Variants in NCOA7 observed in about 807,000 individuals in gnomAD.
NCOA7 encodes the protein nuclear receptor coactivator 7.
Under a neutral mutation model 104.3 loss-of-function variants are expected in NCOA7, and 45 were observed. The observed-to-expected ratio is 0.43, with a 90% CI of 0.34 to 0.55. NCOA7 has a LOEUF of 0.55. Ranked by LOEUF, NCOA7 falls within the 20% of genes least tolerant of loss-of-function variation. NCOA7 has a pLI of 0.02. For synonymous variants in NCOA7, 398 were observed against 402.3 expected (o/e 0.99, Z 0.13); for missense variants, 1,041 against 1,119.7 (o/e 0.93, Z 1.00).
chr6:125,881,670 CA>C lies in NCOA7; in HGVS notation c.573+487del, dbSNP rs397887394. 8.3e-3 allele frequency among the ~76,000 whole-genome samples: 746 copies of C among 90,372 alleles called. 5 individuals carry two copies. The highest frequency in any genetic ancestry group is 0.023 in the Middle Eastern group (3 of 128). The allele number at this position is 90,372 out of a possible 152,430, so 59.3% of individuals were successfully genotyped here. ...TGGGTGACAGAGTGAAACCCTATCT[CA>C]AAAAAAAAAAAAAAAAAAAGGCAAA... is the stretch of plus-strand genomic sequence containing the variant. On this transcript the variant is annotated intron_variant, in intron 6 of 15. Transcript: ENST00000392477.
intron 2 of NCOA7, among the ~76,000 whole-genome samples, chr6:125,850,158 T>A (rs1341325093): frequency 6.6e-6 from 1 of 152,194 alleles, no homozygotes; most frequent in Non-Finnish European, 1.5e-5. Flanking sequence ...TGGCAGCTAT[T>A]CTCCTTTGTA....
intron 14 of NCOA7, 145 bp from the exon 15 acceptor site, chr6:125,928,029 T>C (rs1788187278): frequency 1.3e-6 from 1 of 788,414 alleles, no homozygotes; most frequent in African/African-American, 1.8e-5. Flanking sequence ...CTCATCCTGG[T>C]GTGGGCCAGG....
chr6:125,850,961 TA>T (rs1337062358), intron 2 of NCOA7, among the ~76,000 whole-genome samples: 2 of 152,218 alleles, frequency 1.3e-5, no homozygotes, highest in African/African-American at 4.8e-5. Context: ...ATTGTTTTAT[TA>T]GGGGCATTAT....
intron 3 of NCOA7, among the ~76,000 whole-genome samples, chr6:125,863,889 C>A (rs2128629171): frequency 7.3e-6 from 1 of 137,430 alleles, no homozygotes. Flanking sequence ...ACCTAACCAC[C>A]CCTCAATGGC....
intron 1 of NCOA7, among the ~76,000 whole-genome samples, chr6:125,802,103 G>A (rs1241837669): frequency 2.0e-5 from 3 of 152,072 alleles, no homozygotes; most frequent in Non-Finnish European, 4.4e-5. Flanking sequence ...TTGTCTCCGG[G>A]CTTTGATATC....
intron 1 of NCOA7, among the ~76,000 whole-genome samples, chr6:125,801,940 A>G (rs1211664701): frequency 2.6e-5 from 4 of 152,206 alleles, no homozygotes; most frequent in Admixed American, 6.5e-5. Flanking sequence ...AGTAAGTAAT[A>G]TCAACCATTA....
chr6:125,819,107 GGAACACC>G (rs1777895982), intron 2 of NCOA7, among the ~76,000 whole-genome samples: 1 of 151,842 alleles, frequency 6.6e-6, no homozygotes, highest in Non-Finnish European at 1.5e-5. Flanking sequence ...GGAAAAACTA[GGAACACC>G]TAGTTTTTCC....
chr6:125,836,365 C>G (rs548441431), intron 2 of NCOA7, among the ~76,000 whole-genome samples: 4 of 152,214 alleles, frequency 2.6e-5, no homozygotes, highest in Admixed American at 1.3e-4. Context: ...TTAAGGGACC[C>G]TTTGATGTAG....
chr6:125,851,077 ATTG>A (rs1294444555), intron 2 of NCOA7, among the ~76,000 whole-genome samples: 2 of 152,164 alleles, frequency 1.3e-5, no homozygotes, highest in Non-Finnish European at 2.9e-5. Flanking sequence ...TGAGTCTCCA[ATTG>A]TTTGGTGATT....
rs566559506 is a variant in NCOA7 at position 125,835,818 on chromosome 6, A to G, written c.51-19202A>G. Among the ~76,000 whole-genome samples, 5 of 152,356 alleles carry G rather than the reference A, an allele frequency of 3.3e-5. 1 individual carries two copies. The highest frequency in any genetic ancestry group is 2.1e-4 in the South Asian group (1 of 4,830). On this transcript the variant is annotated intron_variant, in intron 2 of 15. Transcript: ENST00000392477. ...ATAAGGAATAGATTGTAGGGAGGCC[A>G]TTGAAATCTACTGCAGTTTTCTGTA...
At chr6:125,917,130 A>C (rs1787153286) in intron 11 of NCOA7, among the ~76,000 whole-genome samples, 1 of 150,496 alleles carries the variant, frequency 6.6e-6, no homozygotes, top group South Asian at 2.1e-4. Context: ...TGGGAATTTT[A>C]AAAAACTGAA....
At chr6:125,885,755 G>A (rs1784204887) in intron 8 of NCOA7, among the ~76,000 whole-genome samples, 1 of 152,288 alleles carries the variant, frequency 6.6e-6, no homozygotes, top group Non-Finnish European at 1.5e-5. Flanking sequence ...TCTAGGAAAA[G>A]CAGTCTCCCT....
At chr6:125,861,457 A>G (rs1451700507) in intron 3 of NCOA7, among the ~76,000 whole-genome samples, 1 of 152,222 alleles carries the variant, frequency 6.6e-6, no homozygotes, top group Non-Finnish European at 1.5e-5. Flanking sequence ...TTCAAAAGTA[A>G]TGATCGTCCT....
chr6:125,918,237 T>C (rs898273886), intron 11 of NCOA7, among the ~76,000 whole-genome samples: 10 of 152,186 alleles, frequency 6.6e-5, no homozygotes, highest in Non-Finnish European at 1.2e-4. Flanking sequence ...CCTCACCTGC[T>C]GGAGACTGTG....
chr6:125,797,216 A>G (rs992295980), intron 1 of NCOA7, among the ~76,000 whole-genome samples: 3 of 152,210 alleles, frequency 2.0e-5, no homozygotes, highest in African/African-American at 7.2e-5. Flanking sequence ...ATTGACCCTG[A>G]TAGATGACAT....
chr6:125,915,246 A>G, intron 10 of NCOA7, 87 bp from the exon 11 acceptor site: 1 of 1,487,928 alleles, frequency 6.7e-7, no homozygotes, highest in Non-Finnish European at 9.1e-7. Context: ...CAAGCAGGGA[A>G]AAGATGGTTT....
intron 3 of NCOA7, among the ~76,000 whole-genome samples, chr6:125,868,152 A>G (rs1782590605): frequency 6.6e-6 from 1 of 152,250 alleles, no homozygotes; most frequent in Non-Finnish European, 1.5e-5. Flanking sequence ...TAAAAATACA[A>G]TAATGGCTGT....
At chr6:125,782,002 T>C (rs1019598761) in intron 1 of NCOA7, among the ~76,000 whole-genome samples, 2 of 152,224 alleles carry the variant, frequency 1.3e-5, no homozygotes, top group Non-Finnish European at 2.9e-5. Flanking sequence ...GGCACTAAAA[T>C]GTAGCCAGTA....
chr6:125,927,707 C>T lies in NCOA7; in HGVS notation c.2568C>T (p.His856=), dbSNP rs2128703604. ...YATHPFKFSD[H]YYGTGETFLY... ...CTCATCCTTTCAAGTTCAGTGACCACTATTATGGCACAGGCGAAACTTTTC... is the reference window on the plus strand; with the variant it reads ...CTCATCCTTTCAAGTTCAGTGACCATTATTATGGCACAGGCGAAACTTTTC... Residue 856 remains histidine (H), a synonymous_variant, in exon 14 of 16, where the codon CAC becomes CAT. Coordinates refer to ENST00000392477, the MANE Select transcript of NCOA7 (RefSeq NM_181782.5). 3 of 1,614,154 alleles carry T rather than the reference C, an allele frequency of 1.9e-6. No individual in the cohort carries two copies. In the East Asian group the frequency reaches 6.7e-5, roughly 36 times the overall value.
Sources: allele counts gnomAD v4.1 joint callset (sites outside exome capture counted in the v4.1 genomes callset), GRCh38; gene constraint gnomAD v4.1.1; transcripts MANE v1.5; gene names NCBI Gene and HGNC (gene_info 2026-07-23, HGNC 2026-07-21).